FREM2: variants seen among roughly 807,000 people sequenced by gnomAD.
FREM2 encodes FRAS1-related extracellular matrix protein 2.
In FREM2, 119 loss-of-function variants were observed where a neutral mutation model predicts 219.9. That is an observed-to-expected ratio of 0.54 (90% confidence interval 0.47 to 0.63). FREM2 has a LOEUF of 0.63. Ranked by LOEUF, FREM2 falls within the 30% of genes least tolerant of loss-of-function variation. FREM2 has a pLI of 0.00. For missense variants in FREM2, 4,030 were observed against 3,993.6 expected, an observed-to-expected ratio of 1.01 and a Z score of -0.25; for synonymous variants, 1,562 against 1,522.8, an observed-to-expected ratio of 1.03 and a Z score of -0.60.
rs114422721 is a variant in FREM2, at chr13:38,778,774, A to G, written c.5642-4296A>G. ...ACATTTATCTATGTAGCAAACCTGTACTTGTACCCTGAACTTAAAAAAAAA... is the reference window on the plus strand; with the variant it reads ...ACATTTATCTATGTAGCAAACCTGTGCTTGTACCCTGAACTTAAAAAAAAA... On this transcript the variant is annotated intron_variant, in intron 4 of 23. Transcript: ENST00000280481. Among the ~76,000 whole-genome samples, 1,017 of 152,174 alleles carry G rather than the reference A, an allele frequency of 6.7e-3. 12 individuals are homozygous for G. The highest frequency in any genetic ancestry group is 0.024 in the African/African-American group (988 of 41,540).
chr13:38,871,728 C>A (rs1878165991), intron 16 of FREM2, among the ~76,000 whole-genome samples: 1 of 152,032 alleles, frequency 6.6e-6, no homozygotes, highest in Non-Finnish European at 1.5e-5. Flanking sequence ...TCCATACATG[C>A]AAAATAATTA....
chr13:38,824,446 A>G (rs1174837358), intron 6 of FREM2, among the ~76,000 whole-genome samples: 1 of 152,134 alleles, frequency 6.6e-6, no homozygotes, highest in Non-Finnish European at 1.5e-5. Context: ...TTTAGGAAAG[A>G]AAGAGTTTAA....
At chr13:38,770,781 T>A (rs1454251090) in intron 4 of FREM2, among the ~76,000 whole-genome samples, 4 of 152,054 alleles carry the variant, frequency 2.6e-5, no homozygotes, top group African/African-American at 9.7e-5. Flanking sequence ...CCTTAATGCT[T>A]TTGTGTGTAA....
chr13:38,778,416 C>G (rs1317112180), intron 4 of FREM2, among the ~76,000 whole-genome samples: 1 of 152,098 alleles, frequency 6.6e-6, no homozygotes, highest in Non-Finnish European at 1.5e-5. Flanking sequence ...GAGAAAAATA[C>G]CTCTGTCTTC....
In FREM2 at chr13:38,864,556, A is replaced by G; in HGVS notation, c.7933A>G (p.Met2645Val). 5 of 1,614,196 alleles carry G rather than the reference A, an allele frequency of 3.1e-6. No individual in the cohort carries two copies. Among genetic ancestry groups the G allele is most frequent in the Non-Finnish European group, 4.2e-6 (5 of 1,180,026 alleles). ...ATGGGAGTTCGTTAGCTACTATGAC[A>G]TGTCAGAACTCCTTGCTGACTGTGG... The part of the protein sequence containing the change: ...CLWEFVSYYD[M>V]SELLADCGGT... Residue 2645 changes from methionine to valine, a missense_variant, in exon 16 of 24, where the codon ATG becomes GTG. Physicochemically the swap from Met to Val is conservative, Grantham distance 21. Transcript: ENST00000280481.
intron 6 of FREM2, among the ~76,000 whole-genome samples, chr13:38,803,134 T>C (rs1168686839): frequency 6.6e-6 from 1 of 152,206 alleles, no homozygotes; most frequent in Non-Finnish European, 1.5e-5. Context: ...TGGACCTCCT[T>C]ATAACTTTGT....
intron 6 of FREM2, among the ~76,000 whole-genome samples, chr13:38,835,122 G>A (rs1022392495): frequency 2.0e-5 from 3 of 152,104 alleles, no homozygotes; most frequent in African/African-American, 4.8e-5. Flanking sequence ...GTTAATTTTT[G>A]TATAAGCTGT....
rs1318513238 is a variant in FREM2 at position 38,880,745 on chromosome 13, G to C, written c.9468G>C (p.Met3156Ile). 6.2e-7 allele frequency: 1 copy of C among 1,614,158 alleles called. No homozygotes were observed. The highest frequency in any genetic ancestry group is 8.5e-7 in the Non-Finnish European group (1 of 1,180,038). ...APKGSSSSEPMVPPQSHHNDS... is the reference protein window; with the variant it reads ...APKGSSSSEPIVPPQSHHNDS... ...AAGGCTCCAGCAGCAGTGAGCCCAT[G>C]GTGCCCCCACAGAGCCATCACAATG... Residue 3156 changes from methionine to isoleucine, a missense_variant, in exon 24 of 24, where the codon ATG becomes ATC. By Grantham distance (10) the Met-to-Ile change is conservative. Around this residue, in one of 2 missense-constraint regions of FREM2, gnomAD observed 928 missense variants for 1,042.9 expected, o/e 0.89. Coordinates refer to ENST00000280481, the MANE Select transcript of FREM2 (RefSeq NM_207361.6).
At position 38,857,955 on chromosome 13, in the gene FREM2, C is replaced by T. The variant is rs779237938; in HGVS notation, c.7137C>T (p.Ser2379=). 3 of 1,613,360 alleles carry T rather than the reference C, an allele frequency of 1.9e-6. No individual in the cohort carries two copies. In the South Asian group the frequency reaches 3.3e-5, roughly 18 times the overall value. ...VTFPSVPQIV[S]LLMYDDTSKA... Reference sequence around the variant, plus strand: ...TTCCTTCTGTCCCTCAAATTGTATCCCTGTTGATGTATGACGACACTTCCA... The same window carrying T: ...TTCCTTCTGTCCCTCAAATTGTATCTCTGTTGATGTATGACGACACTTCCA... Residue 2379 remains serine (S), a synonymous_variant, in exon 13 of 24, where the codon TCC becomes TCT. Transcript: ENST00000280481.
chr13:38,693,581 C>CT (rs897221133), intron 1 of FREM2, among the ~76,000 whole-genome samples: 1 of 152,166 alleles, frequency 6.6e-6, no homozygotes, highest in African/African-American at 2.4e-5. Context: ...ATTTGGGTTG[C>CT]TTTCATGAAA....
chr13:38,755,945 C>G (rs1174994706), intron 2 of FREM2, among the ~76,000 whole-genome samples: 1 of 152,184 alleles, frequency 6.6e-6, no homozygotes, highest in African/African-American at 2.4e-5. Context: ...CCCTTCACCC[C>G]CAAGCCACAG....
At position 38,796,946 on chromosome 13, in the gene FREM2, T is replaced by A. The variant is rs1179948135; in HGVS notation, c.6019+12138T>A. ...CACAAGCTGGAGTGCAGTGGTGCAA[T>A]GATAGCTGCAGCCTTGAACTCTTGG... is the stretch of plus-strand genomic sequence containing the variant. On this transcript the variant is annotated intron_variant, in intron 6 of 23. Transcript: ENST00000280481. 2.6e-5 allele frequency among the ~76,000 whole-genome samples: 4 copies of A among 152,076 alleles called. No homozygotes were observed. The East Asian group carries it at 7.7e-4, about 29-fold the overall frequency.
chr13:38,726,157 T>C (rs1365130691), intron 2 of FREM2, among the ~76,000 whole-genome samples: 1 of 152,098 alleles, frequency 6.6e-6, no homozygotes, highest in African/African-American at 2.4e-5. Flanking sequence ...GTAACTTTTA[T>C]TGTGGTTTCT....
intron 10 of FREM2, 146 bp downstream of exon 10, chr13:38,851,254 A>C (rs1383577610): frequency 1.3e-6 from 1 of 744,386 alleles, no homozygotes; most frequent in Non-Finnish European, 2.2e-6. Flanking sequence ...GCAAAAAGAC[A>C]AACAAATGGG....
intron 6 of FREM2, among the ~76,000 whole-genome samples, chr13:38,796,582 C>T (rs1874793695): frequency 1.3e-5 from 2 of 152,138 alleles, no homozygotes; most frequent in South Asian, 2.1e-4. Flanking sequence ...TCTCTCATGC[C>T]ATGTCCATAT....
intron 6 of FREM2, among the ~76,000 whole-genome samples, chr13:38,795,261 A>T (rs1260816524): frequency 6.6e-6 from 1 of 151,776 alleles, no homozygotes; most frequent in Non-Finnish European, 1.5e-5. Context: ...TTGCAGTTGG[A>T]GTAGGGAAAA....
At chr13:38,800,166 G>A (rs117689845) in intron 6 of FREM2, among the ~76,000 whole-genome samples, 1,580 of 151,968 alleles carry the variant, frequency 0.01, 8 homozygotes, top group South Asian at 0.02. Flanking sequence ...TTACAGTTTT[G>A]TGTGTTTTCA....
intron 6 of FREM2, among the ~76,000 whole-genome samples, chr13:38,843,132 A>G (rs34127262): frequency 0.074 from 11,193 of 152,202 alleles, 704 homozygotes; most frequent in Admixed American, 0.18. Context: ...CTGGAGTGTC[A>G]TCTGAGGGTG....
chr13:38,688,042 T>G lies in FREM2; in HGVS notation c.698T>G (p.Leu233Arg). The stretch of plus-strand genomic sequence containing the variant: ...GGCGCGCTGCCTCGCTATGGAGAAC[T>G]CCTCCACTACCCGCAGGTCCCTGGA... ...GLGALPRYGE[L>R]LHYPQVPGGA... Residue 233 changes from leucine (L) to arginine (R), a missense_variant, in exon 1 of 24, where the codon CTC (leucine) becomes CGC (arginine). Transcript: ENST00000280481. 1 of 1,609,006 alleles carries G rather than the reference T, an allele frequency of 6.2e-7. No homozygotes were observed. Among genetic ancestry groups the G allele is most frequent in the Non-Finnish European group, 8.5e-7 (1 of 1,176,228 alleles).
Sources: allele counts gnomAD v4.1 joint callset (sites outside exome capture counted in the v4.1 genomes callset), GRCh38; gene constraint gnomAD v4.1.1; regional missense constraint gnomAD v4.1.1; transcripts MANE v1.5; gene names NCBI Gene and HGNC (gene_info 2026-07-23, HGNC 2026-07-21).